FTSJ3: variants seen among roughly 807,000 people sequenced by gnomAD.
The protein encoded by FTSJ3 is FtsJ RNA 2'-O-methyltransferase 3.
A neutral mutation model predicts 111.5 loss-of-function variants in FTSJ3; 46 were observed. The ratio of observed to expected loss-of-function variants is 0.41; its 90% CI spans 0.33 to 0.53. The LOEUF is 0.53. FTSJ3 is among the 20% of genes least tolerant of loss of function. The pLI, the probability that FTSJ3 is intolerant of heterozygous loss-of-function variation, is 0.19. For synonymous variants in FTSJ3, 408 were observed against 383.0 expected, an observed-to-expected ratio of 1.07 and a Z score of -0.76; for missense variants, 1,075 against 1,063.8, an observed-to-expected ratio of 1.01 and a Z score of -0.15.
At position 63,827,524 on chromosome 17, in the gene FTSJ3, G is replaced by C; in HGVS notation, c.-499C>G. ...TGACGGACCAGAGCAGGTATGGCGG[G>C]TGCAGTGGCGGCCCGGCAGGTTACG... On this transcript the variant is annotated 5_prime_UTR_variant, in exon 1 of 21. Transcript: ENST00000427159. 1 of 1,551,542 alleles carries C rather than the reference G, an allele frequency of 6.4e-7. No homozygotes were observed. The highest frequency in any genetic ancestry group is 8.7e-7 in the Non-Finnish European group (1 of 1,146,912).
In FTSJ3 at chr17:63,819,598, T is replaced by G. The variant is rs1421144646; in HGVS notation, c.*204A>C. 13 of 577,758 alleles carry G rather than the reference T, an allele frequency of 2.3e-5. No homozygotes were observed. The highest frequency in any genetic ancestry group is 4.0e-5 in the Non-Finnish European group (13 of 326,012). The allele number at this position is 577,758 out of a possible 1,614,324, so 35.8% of individuals were successfully genotyped here. ...AGTGTCAACACAGTTCAGCAGTGTT[T>G]TCATGGGAGACCTTCAGGCAGGCAG... is the stretch of plus-strand genomic sequence containing the variant. On this transcript the variant is annotated 3_prime_UTR_variant, in exon 21 of 21. Transcript: ENST00000427159.
rs1404556773 is a variant in FTSJ3, at chr17:63,827,429, C to CCGCTTCCG, written c.-412_-405dup. 6.4e-7 allele frequency: 1 copy of CCGCTTCCG among 1,551,476 alleles called. No homozygotes were observed. The highest frequency in any genetic ancestry group is 2.4e-5 in the East Asian group (1 of 40,930). On this transcript the variant is annotated 5_prime_UTR_variant, in exon 1 of 21. Transcript: ENST00000427159. ...TGCCTGGTCTTCAGGTCCCAATCCT[C>CCGCTTCCG]CGCTTCCGCGCTTGCGCGCCAAGAC...
At chr17:63,823,638 ACT>A (rs2040070462) in intron 13 of FTSJ3, 177 bp downstream of exon 13, 1 of 668,506 alleles carries the variant, frequency 1.5e-6, no homozygotes, top group South Asian at 1.9e-5. Context: ...TATCTACCTA[ACT>A]CATCCTTTTT....
Position 63,827,081 on chromosome 17 carries a change from G to C in FTSJ3, c.-56C>G, listed in dbSNP as rs775154646. The C allele has an allele frequency of 3.0e-5, 19 of 630,792 alleles. No homozygotes were observed. Among genetic ancestry groups the C allele is most frequent in the Non-Finnish European group, 4.4e-5 (16 of 363,146 alleles). 39.1% of individuals were successfully genotyped at this position (630,792 alleles called of 1,614,324 possible). ...ACCCAGAGCCGCTTTCTCCACACTT[G>C]GAACCGCACAAGTATGCAGCTAACT... On this transcript the variant is annotated 5_prime_UTR_variant, in exon 1 of 21. Transcript: ENST00000427159.
At position 63,826,877 on chromosome 17, in the gene FTSJ3, T is replaced by C. The variant is rs1221165787; in HGVS notation, c.26A>G (p.Lys9Arg). 1.2e-6 allele frequency: 2 copies of C among 1,614,144 alleles called. No individual in the cohort carries two copies. The highest frequency in any genetic ancestry group is 2.2e-5 in the South Asian group (2 of 91,084). The change falls in exon 2 of 21, where the codon AAG becomes AGG. Residue 9 changes from lysine (K) to arginine (R), a missense_variant. Physicochemically the swap from Lys to Arg is conservative, Grantham distance 26. Coordinates refer to ENST00000427159, the MANE Select transcript of FTSJ3 (RefSeq NM_017647.4). MGKKGKVG[K>R]SRRDKFYHLA... ...GTGATAAAACTTGTCTCGTCGGCTC[T>C]TGCCAACTTTGCCCTTCTTGCCCAT... is the stretch of plus-strand genomic sequence containing the variant.
In FTSJ3 at chr17:63,819,869, G is replaced by A. The variant is rs2040030090; in HGVS notation, c.2477C>T (p.Ser826Leu). The change falls in exon 21 of 21, where the codon TCA (serine) becomes TTA (leucine). Residue 826 changes from serine (S) to leucine (L), a missense_variant. Coordinates refer to ENST00000427159, the MANE Select transcript of FTSJ3 (RefSeq NM_017647.4). ...TGCTCTTTGGTCCTTCTTCATCCTTGAGTCCACCACCTTGAAATGACCTCT... is the reference window on the plus strand; with the variant it reads ...TGCTCTTTGGTCCTTCTTCATCCTTAAGTCCACCACCTTGAAATGACCTCT... ...GVRGHFKVVD[S>L]RMKKDQRAQQ... 3 of 1,613,870 alleles carry A rather than the reference G, an allele frequency of 1.9e-6. No homozygotes were observed. In the African/African-American group the frequency reaches 4.0e-5, roughly 22 times the overall value.
Position 63,824,627 on chromosome 17 carries a change from C to T in FTSJ3, c.917+10G>A. 10 of 1,607,858 alleles carry T rather than the reference C, an allele frequency of 6.2e-6. No homozygotes were observed. The highest frequency in any genetic ancestry group is 1.7e-4 in the Middle Eastern group (1 of 6,000). On this transcript the variant is annotated intron_variant, in intron 10 of 20. Transcript: ENST00000427159. ...GGGCTCCTGGCCCCCGTGCCTACCC[C>T]ACTCCATACCTGAGCTCCTTGCGCC...
Position 63,827,511 on chromosome 17 carries a change from G to A in FTSJ3, c.-486C>T, listed in dbSNP as rs1483960662. 5.2e-6 allele frequency: 8 copies of A among 1,551,660 alleles called. No individual in the cohort carries two copies. The highest frequency in any genetic ancestry group is 7.0e-6 in the Non-Finnish European group (8 of 1,147,020). Reference sequence around the variant, plus strand: ...AGAAGATGGCGCTTGACGGACCAGAGCAGGTATGGCGGGTGCAGTGGCGGC... The same window carrying A: ...AGAAGATGGCGCTTGACGGACCAGAACAGGTATGGCGGGTGCAGTGGCGGC... On this transcript the variant is annotated 5_prime_UTR_variant, in exon 1 of 21. Coordinates refer to ENST00000427159, the MANE Select transcript of FTSJ3 (RefSeq NM_017647.4).
rs1354468726 is a variant in FTSJ3 at position 63,826,231 on chromosome 17, C to T, written c.220+27G>A. 6.2e-6 allele frequency: 10 copies of T among 1,613,500 alleles called. No individual in the cohort carries two copies. In the South Asian group the frequency reaches 1.1e-4, roughly 18 times the overall value. On this transcript the variant is annotated intron_variant, in intron 4 of 20. Transcript: ENST00000427159. ...TACCTTATACACCCACCCCTTAAAA[C>T]ACCAAGGAGAGCTGTCCGTTACTCA...
chr17:63,820,763 C>T, intron 18 of FTSJ3, 76 bp downstream of exon 18: 2 of 1,031,554 alleles, frequency 1.9e-6, no homozygotes, highest in South Asian at 1.3e-5. Context: ...GAGCGAGACT[C>T]CATCTCAAAA....
intron 8 of FTSJ3, 40 bp from the exon 9 acceptor site, chr17:63,824,969 A>G (rs770212860): frequency 1.2e-5 from 19 of 1,576,714 alleles, no homozygotes; most frequent in Admixed American, 5.3e-5. Context: ...AGGCCCTTCT[A>G]AGGTACCTGT....
chr17:63,823,400 C>T (rs1324880184), intron 13 of FTSJ3, among the ~76,000 whole-genome samples: 1 of 152,182 alleles, frequency 6.6e-6, no homozygotes, highest in Admixed American at 6.5e-5. Flanking sequence ...TCGAGACCAT[C>T]CTGGCTAACA....
In FTSJ3 at chr17:63,824,209, A is replaced by G. The variant is rs767519371; in HGVS notation, c.1029T>C (p.Asp343=). Residue 343 remains aspartate, a synonymous_variant, in exon 12 of 21, where the codon GAT becomes GAC. Transcript: ENST00000427159. ...TGGTTCCAGCTGTTGAGTCCTCCTC[A>G]TCACCTTCATCTTCCTCTCCAGAGC... ...SLSSGEEDEG[D]EEDSTAGTTK... The G allele has an allele frequency of 1.2e-6, 2 of 1,613,914 alleles. No homozygotes were observed. The highest frequency in any genetic ancestry group is 1.1e-5 in the South Asian group (1 of 91,084).
intron 1 of FTSJ3, 37 bp downstream of exon 1, chr17:63,827,015 G>A (rs1010449535): frequency 1.1e-6 from 1 of 879,808 alleles, no homozygotes; most frequent in African/African-American, 1.7e-5. Context: ...CCCACTTCCC[G>A]CAGCAATTCC....
intron 13 of FTSJ3, chr17:63,823,594 CA>C (rs56412606): frequency 0.54 from 209,804 of 389,584 alleles, 38,875 homozygotes; most frequent in African/African-American, 0.79. Flanking sequence ...GACTCCGTCT[CA>C]AAAAAAAAAA....
Position 63,820,119 on chromosome 17 carries a change from CTG to C in FTSJ3, c.2309_2310del (p.Thr770SerfsTer68), listed in dbSNP as rs1184163800. On this transcript the variant is annotated frameshift_variant, in exon 20 of 21. Coordinates refer to ENST00000427159, the MANE Select transcript of FTSJ3 (RefSeq NM_017647.4). LOFTEE classifies it high-confidence loss of function. ...ACTTTCTCTCGTTCTGAGATGTCCA[CTG>C]TGTTCACCACGGCTTCTGCCTTCTT... ...TRKKAEAVVN[T>X]VDISEREKVA... 6.2e-7 allele frequency: 1 copy of C among 1,614,176 alleles called. No individual in the cohort carries two copies. Among genetic ancestry groups the C allele is most frequent in the East Asian group, 2.2e-5 (1 of 44,874 alleles).
chr17:63,826,754 G>A, intron 2 of FTSJ3, 82 bp from the exon 3 acceptor site: 1 of 1,553,124 alleles, frequency 6.4e-7, no homozygotes, highest in Non-Finnish European at 8.9e-7. Context: ...TTCTGCAGGA[G>A]AGGTACATAA....
At position 63,821,631 on chromosome 17, in the gene FTSJ3, CAGCAAAGCT is replaced by C. The variant is rs1350777484; in HGVS notation, c.1600_1608del (p.Ser534_Ala536del). ...GCCTCATCGGCATCGTCCTCGATCC[CAGCAAAGCT>C]GCCCTGTGATAGGAGAACATCAGCT... On this transcript the variant is annotated inframe_deletion, in exon 16 of 21. Coordinates refer to ENST00000427159, the MANE Select transcript of FTSJ3 (RefSeq NM_017647.4). 1 of 1,613,316 alleles carries C rather than the reference CAGCAAAGCT, an allele frequency of 6.2e-7. No homozygotes were observed. The highest frequency in any genetic ancestry group is 2.2e-5 in the East Asian group (1 of 44,870).
In FTSJ3 at chr17:63,825,447, G is replaced by C. The variant is rs200263676; in HGVS notation, c.401-11C>G. The C allele has an allele frequency of 8.7e-5, 141 of 1,614,086 alleles. 1 individual carries two copies. The South Asian group carries it at 1.4e-3, about 15-fold the overall frequency. On this transcript the variant is annotated splice_polypyrimidine_tract_variant and intron_variant, in intron 6 of 20. Transcript: ENST00000427159. ...TCAGTGTCAAATGGGCTGTAGGATA[G>C]AGACAATTAGTTGACGCACTCTGCA... is the stretch of plus-strand genomic sequence containing the variant.
Sources: gnomAD v4.1 joint callset for allele counts (sites outside exome capture counted in the v4.1 genomes callset) on GRCh38, gnomAD v4.1.1 for gene constraint, MANE v1.5 for transcripts, NCBI Gene and HGNC (gene_info 2026-07-23, HGNC 2026-07-21) for gene names.